PCDH15: variants seen among roughly 807,000 people sequenced by gnomAD.
PCDH15 encodes protocadherin-15.
Under a neutral mutation model 178.5 loss-of-function variants are expected in PCDH15, and 129 were observed. The observed-to-expected ratio is 0.72, with a 90% CI of 0.63 to 0.84. The LOEUF (loss-of-function observed/expected upper bound fraction) is 0.84, where lower values mean the gene tolerates loss of function less well. PCDH15 is among the 40% of genes least tolerant of loss of function. The pLI is 0.00. For missense variants in PCDH15, 2,230 were observed against 2,099.9 expected, an observed-to-expected ratio of 1.06 and a Z score of -1.21; for synonymous variants, 800 against 732.0, an observed-to-expected ratio of 1.09 and a Z score of -1.50.
intron 1 of PCDH15, among the ~76,000 whole-genome samples, chr10:55,203,956 A>G (rs1176086585): frequency 6.6e-6 from 1 of 151,954 alleles, no homozygotes; most frequent in East Asian, 1.9e-4. Context: ...CATGCCTGTA[A>G]TCCCAGCAAT....
At chr10:54,017,497 T>C (rs977263045) in intron 20 of PCDH15, among the ~76,000 whole-genome samples, 2 of 152,188 alleles carry the variant, frequency 1.3e-5, no homozygotes, top group Non-Finnish European at 2.9e-5. Context: ...GTAACATAGA[T>C]AACAGCTTGA....
intron 2 of PCDH15, among the ~76,000 whole-genome samples, chr10:55,445,019 G>A (rs779179476): frequency 6.6e-6 from 1 of 152,026 alleles, no homozygotes; most frequent in African/African-American, 2.4e-5. Context: ...AGAAAGAAGG[G>A]AGGTGAAGGA....
At chr10:54,420,874 C>A (rs1364364677) in intron 3 of PCDH15, among the ~76,000 whole-genome samples, 1 of 151,908 alleles carries the variant, frequency 6.6e-6, no homozygotes, top group African/African-American at 2.4e-5. Flanking sequence ...ATATTTAATT[C>A]TTTTACCACC....
At chr10:55,194,131 C>A (rs1412289352) in intron 1 of PCDH15, among the ~76,000 whole-genome samples, 12 of 151,924 alleles carry the variant, frequency 7.9e-5, no homozygotes, top group Admixed American at 7.9e-4. Flanking sequence ...TGGAGGCATT[C>A]AAAATCCTGG....
chr10:54,355,826 C>T (rs1014414609), intron 5 of PCDH15, among the ~76,000 whole-genome samples: 1 of 151,922 alleles, frequency 6.6e-6, no homozygotes, highest in African/African-American at 2.4e-5. Flanking sequence ...GTGTGCAAAC[C>T]TTTACATTAG....
At chr10:54,407,019 A>G (rs931348155) in intron 3 of PCDH15, among the ~76,000 whole-genome samples, 3 of 152,198 alleles carry the variant, frequency 2.0e-5, no homozygotes, top group Non-Finnish European at 4.4e-5. Context: ...ACAAAACTCT[A>G]TGACAACTCA....
chr10:54,478,776 T>G (rs1016174706), intron 3 of PCDH15, among the ~76,000 whole-genome samples: 2 of 152,078 alleles, frequency 1.3e-5, no homozygotes, highest in African/African-American at 4.8e-5. Context: ...TTCAACAGAC[T>G]TACTCTAGCA....
intron 1 of PCDH15, among the ~76,000 whole-genome samples, chr10:54,749,722 T>C (rs1026723052): frequency 6.6e-6 from 1 of 152,168 alleles, no homozygotes; most frequent in Non-Finnish European, 1.5e-5. Context: ...TTAACAGTGA[T>C]ACAAAGGCAA....
At chr10:54,314,752 C>A (rs2061136459) in intron 8 of PCDH15, among the ~76,000 whole-genome samples, 1 of 151,938 alleles carries the variant, frequency 6.6e-6, no homozygotes, top group Non-Finnish European at 1.5e-5. Flanking sequence ...GAGTTCTCAT[C>A]ATTTACCTCC....
In PCDH15 at chr10:54,917,952, T is replaced by A. The variant is rs547328505; in HGVS notation, c.-79-20452A>T. 2.0e-5 allele frequency among the ~76,000 whole-genome samples: 3 copies of A among 150,778 alleles called. No individual in the cohort carries two copies. In the East Asian group the frequency reaches 5.9e-4, roughly 29 times the overall value. ...ATGAGGTCAGTTACATATGTATGACTTTTTTTGTAAACTGATATTTAAAAT... is the reference window on the plus strand; with the variant it reads ...ATGAGGTCAGTTACATATGTATGACATTTTTTGTAAACTGATATTTAAAAT... On this transcript the variant is annotated intron_variant, in intron 2 of 5. Coordinates refer to the PCDH15 transcript ENST00000458638.
At chr10:54,105,585 G>A (rs542226098) in intron 15 of PCDH15, among the ~76,000 whole-genome samples, 1 of 151,882 alleles carries the variant, frequency 6.6e-6, no homozygotes, top group Non-Finnish European at 1.5e-5. Context: ...TTTTCTGCCT[G>A]CTTTATTTTC....
chr10:55,545,185 C>G (rs1841851910), intron 2 of PCDH15, among the ~76,000 whole-genome samples: 1 of 151,836 alleles, frequency 6.6e-6, no homozygotes. Flanking sequence ...TTTAGTCTGT[C>G]TAAATCTGTG....
At chr10:53,983,604 C>G (rs1486491911) in intron 21 of PCDH15, among the ~76,000 whole-genome samples, 1 of 152,090 alleles carries the variant, frequency 6.6e-6, no homozygotes, top group Non-Finnish European at 1.5e-5. Flanking sequence ...TGCTTTAGGG[C>G]TATTTACCAC....
chr10:54,825,015 C>A lies in PCDH15; in HGVS notation c.-29+72435G>T, dbSNP rs575331206. Among the ~76,000 whole-genome samples the A allele has an allele frequency of 8.7e-4, 133 of 152,022 alleles. 1 individual carries two copies. The highest frequency in any genetic ancestry group is 1.6e-3 in the Non-Finnish European group (106 of 67,990). On this transcript the variant is annotated intron_variant, in intron 3 of 5. Transcript: ENST00000458638. ...ATTAGGTATATCTCCCAATGCTATCCCTCCCCCCTCCTCCCACCCCACAAC... is the reference window on the plus strand; with the variant it reads ...ATTAGGTATATCTCCCAATGCTATCACTCCCCCCTCCTCCCACCCCACAAC...
chr10:55,193,234 A>G (rs1405385260), intron 1 of PCDH15, among the ~76,000 whole-genome samples: 1 of 151,934 alleles, frequency 6.6e-6, no homozygotes, highest in Non-Finnish European at 1.5e-5. Context: ...TATTCATTAT[A>G]GCAAGCACCA....
At chr10:54,565,627 A>G (rs1386951453) in intron 2 of PCDH15, among the ~76,000 whole-genome samples, 1 of 152,214 alleles carries the variant, frequency 6.6e-6, no homozygotes, top group Non-Finnish European at 1.5e-5. Context: ...ACTTTCTGGA[A>G]TTATGAAAAT....
chr10:54,851,672 G>A (rs962788704), intron 3 of PCDH15, among the ~76,000 whole-genome samples: 6 of 152,072 alleles, frequency 3.9e-5, no homozygotes, highest in African/African-American at 1.4e-4. Flanking sequence ...TCGGCTCACT[G>A]CAACCTCTGC....
intron 2 of PCDH15, among the ~76,000 whole-genome samples, chr10:54,561,313 T>C (rs1001174043): frequency 2.0e-5 from 3 of 152,138 alleles, no homozygotes; most frequent in African/African-American, 7.2e-5. Flanking sequence ...AAATGTTAAT[T>C]GTAGAAATAC....
chr10:53,909,727 G>A (rs2082935789), intron 25 of PCDH15, among the ~76,000 whole-genome samples: 1 of 152,178 alleles, frequency 6.6e-6, no homozygotes. Flanking sequence ...GAAGCAAAAG[G>A]GGTTGGGGGA....
Sources: gnomAD v4.1 joint callset for allele counts (sites outside exome capture counted in the v4.1 genomes callset) on GRCh38, gnomAD v4.1.1 for gene constraint, MANE v1.5 for transcripts, NCBI Gene and HGNC (gene_info 2026-07-23, HGNC 2026-07-21) for gene names.